Variants in SLC4A4 observed in about 807,000 individuals in gnomAD.
The protein encoded by SLC4A4 is solute carrier family 4 member 4, also known as electrogenic sodium bicarbonate cotransporter 1.
SLC4A4 carries 27 observed loss-of-function variants against 111.5 expected under a neutral mutation model. The observed-to-expected ratio is 0.24, with a 90% CI of 0.18 to 0.33. The LOEUF is 0.33. Ranked by LOEUF, SLC4A4 falls within the 10% of genes least tolerant of loss-of-function variation. The pLI, the probability that SLC4A4 is intolerant of heterozygous loss-of-function variation, is 1.00. For missense variants in SLC4A4, 909 were observed against 1,315.5 expected (o/e 0.69, Z 4.78); for synonymous variants, 443 against 463.4 (o/e 0.96, Z 0.57).
At chr4:71,171,205 T>C (rs1301130492) in intron 2 of SLC4A4, among the ~76,000 whole-genome samples, 2 of 151,906 alleles carry the variant, frequency 1.3e-5, no homozygotes, top group Non-Finnish European at 2.9e-5. Flanking sequence ...ATCAAAACAG[T>C]GCTTTAGGAA....
At chr4:71,323,349 G>T (rs971774344) in intron 3 of SLC4A4, among the ~76,000 whole-genome samples, 1 of 151,906 alleles carries the variant, frequency 6.6e-6, no homozygotes, top group Non-Finnish European at 1.5e-5. Context: ...TAAGCCTGTT[G>T]TTGCAAGTGC....
At chr4:71,385,196 T>A (rs1470784916) in intron 6 of SLC4A4, among the ~76,000 whole-genome samples, 21 of 92,590 alleles carry the variant, frequency 2.3e-4, no homozygotes, top group South Asian at 1.5e-3. Context: ...TATATATTTT[T>A]TTTTTTTTTT....
chr4:71,207,344 A>G (rs1179034478), intron 1 of SLC4A4, among the ~76,000 whole-genome samples: 1 of 152,218 alleles, frequency 6.6e-6, no homozygotes, highest in African/African-American at 2.4e-5. Flanking sequence ...CCTGCATAGA[A>G]TATTTCTATG....
intron 14 of SLC4A4, among the ~76,000 whole-genome samples, chr4:71,480,145 C>T (rs1444433331): frequency 3.3e-5 from 5 of 151,236 alleles, no homozygotes; most frequent in African/African-American, 1.2e-4. Context: ...CCTCAGCCTC[C>T]TGAGTAGCTA....
At chr4:71,181,883 G>A (rs959567328) in intron 2 of SLC4A4, among the ~76,000 whole-genome samples, 1 of 152,154 alleles carries the variant, frequency 6.6e-6, no homozygotes, top group Admixed American at 6.5e-5. Flanking sequence ...TAGGGCTAAG[G>A]GGATTCTACA....
chr4:71,326,433 A>G (rs1051104016), intron 3 of SLC4A4, among the ~76,000 whole-genome samples: 1 of 152,000 alleles, frequency 6.6e-6, no homozygotes, highest in Non-Finnish European at 1.5e-5. Flanking sequence ...CATGTGGTCA[A>G]CAAAGGGTCA....
At chr4:71,197,279 T>G (rs952836064) in intron 1 of SLC4A4, among the ~76,000 whole-genome samples, 1 of 152,246 alleles carries the variant, frequency 6.6e-6, no homozygotes, top group African/African-American at 2.4e-5. Context: ...GCTGTGATCA[T>G]TGCTATTAGG....
intron 3 of SLC4A4, among the ~76,000 whole-genome samples, chr4:71,258,814 G>A (rs954701986): frequency 1.3e-5 from 2 of 152,158 alleles, no homozygotes; most frequent in African/African-American, 4.8e-5. Flanking sequence ...CGCCAAAGTG[G>A]GATTTTGGTC....
intron 11 of SLC4A4, among the ~76,000 whole-genome samples, chr4:71,451,555 A>G (rs1577937444): frequency 6.6e-6 from 1 of 152,212 alleles, no homozygotes; most frequent in South Asian, 2.1e-4. Flanking sequence ...TTTTATGGGG[A>G]AAATTAAGGC....
At chr4:71,371,498 C>T (rs1731881910) in intron 6 of SLC4A4, among the ~76,000 whole-genome samples, 1 of 152,022 alleles carries the variant, frequency 6.6e-6, no homozygotes. Flanking sequence ...CCCGCCTCGG[C>T]CTCCCAAAGC....
intron 2 of SLC4A4, among the ~76,000 whole-genome samples, chr4:71,162,675 T>G (rs1744643741): frequency 1.3e-5 from 2 of 152,132 alleles, no homozygotes; most frequent in Non-Finnish European, 2.9e-5. Context: ...ATATTATCAC[T>G]GTGAAAGAAC....
chr4:71,536,449 C>CATATATACATATATAT lies in SLC4A4; in HGVS notation c.2442+2076_2442+2077insTATATATACATATATA, dbSNP rs1424582409. ...CCGTGGTATCATTTAAGCATATATA[C>CATATATACATATATAT]ATATATACATATATACATATATATA... On this transcript the variant is annotated intron_variant, in intron 18 of 25. Transcript: ENST00000264485. Among the ~76,000 whole-genome samples, 35 of 4,850 alleles carry CATATATACATATATAT rather than the reference C, an allele frequency of 7.2e-3. 1 individual carries two copies. Among genetic ancestry groups the CATATATACATATATAT allele is most frequent in the Non-Finnish European group, 0.027 (32 of 1,166 alleles). The allele number at this position is 4,850 out of a possible 152,430, so 3.2% of individuals were successfully genotyped here.
chr4:71,235,040 G>T (rs2579316), intron 1 of SLC4A4, among the ~76,000 whole-genome samples: 3 of 152,070 alleles, frequency 2.0e-5, no homozygotes, highest in East Asian at 1.9e-4. Flanking sequence ...TGTGCTTTTA[G>T]GTATGTTACC....
intron 2 of SLC4A4, among the ~76,000 whole-genome samples, chr4:71,129,611 T>C (rs1475256293): frequency 1.3e-5 from 2 of 152,114 alleles, no homozygotes; most frequent in Non-Finnish European, 2.9e-5. Context: ...AATCCCATTA[T>C]TGAGTGTATG....
intron 15 of SLC4A4, among the ~76,000 whole-genome samples, chr4:71,492,960 A>G (rs1242331676): frequency 6.6e-6 from 1 of 151,932 alleles, no homozygotes. Flanking sequence ...AAGTTAACAT[A>G]CTTTATTTCT....
intron 6 of SLC4A4, among the ~76,000 whole-genome samples, chr4:71,357,449 G>T (rs941427139): frequency 5.3e-5 from 8 of 152,280 alleles, no homozygotes; most frequent in Non-Finnish European, 1.2e-4. Flanking sequence ...GATGGAGGTG[G>T]TTTAGTAGTA....
At chr4:71,149,666 A>G (rs1314899041) in intron 2 of SLC4A4, among the ~76,000 whole-genome samples, 1 of 152,200 alleles carries the variant, frequency 6.6e-6, no homozygotes, top group Non-Finnish European at 1.5e-5. Flanking sequence ...TGCTCCAAAT[A>G]TGAATGGGGG....
intron 3 of SLC4A4, among the ~76,000 whole-genome samples, chr4:71,318,344 A>G (rs1726857235): frequency 6.6e-6 from 1 of 152,074 alleles, no homozygotes; most frequent in South Asian, 2.1e-4. Flanking sequence ...CTAATTTCAT[A>G]GGCAAATTAA....
intron 6 of SLC4A4, among the ~76,000 whole-genome samples, chr4:71,377,855 A>C (rs1346820169): frequency 6.6e-6 from 1 of 152,222 alleles, no homozygotes; most frequent in Non-Finnish European, 1.5e-5. Context: ...CATGGTGCTG[A>C]TAAAGACATA....
Sources: gnomAD v4.1 joint callset for allele counts (sites outside exome capture counted in the v4.1 genomes callset) on GRCh38, gnomAD v4.1.1 for gene constraint, MANE v1.5 for transcripts, NCBI Gene and HGNC (gene_info 2026-07-23, HGNC 2026-07-21) for gene names.